Variants in GPR39 observed in about 807,000 individuals in gnomAD.
The protein encoded by GPR39 is G protein-coupled receptor 39.
In GPR39, 23 loss-of-function variants were observed where a neutral mutation model predicts 18.4. The ratio of observed to expected loss-of-function variants is 1.25; its 90% CI spans 0.90 to 1.77. GPR39 has a LOEUF of 1.77. GPR39 is among the 40% of genes most tolerant of loss of function. The pLI is 0.00. For synonymous variants in GPR39, 280 were observed against 257.9 expected (o/e 1.09, Z -0.82); for missense variants, 647 against 602.4 (o/e 1.07, Z -0.78).
At chr2:132,537,978 A>G (rs983932300) in intron 1 of GPR39, among the ~76,000 whole-genome samples, 1 of 152,022 alleles carries the variant, frequency 6.6e-6, no homozygotes, top group Non-Finnish European at 1.5e-5. Context: ...GCTTCTTTGC[A>G]TTGGGTTAGA....
chr2:132,425,832 G>A (rs1461839087), intron 1 of GPR39, among the ~76,000 whole-genome samples: 1 of 152,044 alleles, frequency 6.6e-6, no homozygotes, highest in East Asian at 1.9e-4. Flanking sequence ...TCTAGGAGCT[G>A]AGCACCAGCA....
intron 1 of GPR39, among the ~76,000 whole-genome samples, chr2:132,602,557 G>C (rs1681061241): frequency 6.6e-6 from 1 of 152,052 alleles, no homozygotes; most frequent in South Asian, 2.1e-4. Flanking sequence ...AAACTAAAAA[G>C]CTTCTGCACA....
chr2:132,620,431 C>T (rs58445711), intron 1 of GPR39, among the ~76,000 whole-genome samples: 15 of 152,282 alleles, frequency 9.9e-5, no homozygotes, highest in African/African-American at 3.6e-4. Flanking sequence ...AGTCACCCCT[C>T]CCATCTCAGT....
In GPR39 at chr2:132,635,640, G is replaced by T. The variant is rs538878018; in HGVS notation, c.857-9461G>T. 4.6e-5 allele frequency among the ~76,000 whole-genome samples: 7 copies of T among 152,236 alleles called. No individual in the cohort carries two copies. In the South Asian group the frequency reaches 1.0e-3, roughly 23 times the overall value. ...TGGAGGCTAAAGAAAAGAGATGGGG[G>T]AGGGGGCCTAGCAGGTCATGGGGCC... On this transcript the variant is annotated intron_variant, in intron 1 of 1. Coordinates refer to ENST00000329321, the MANE Select transcript of GPR39 (RefSeq NM_001508.3).
Position 132,513,667 on chromosome 2 carries a change from T to G in GPR39, c.856+95769T>G, listed in dbSNP as rs1679279989. ...GGAAACTAAGTCTTGTCAATTAACA[T>G]CTTTGTCTGTTCCAGCTTAAGAGTA... is the stretch of plus-strand genomic sequence containing the variant. On this transcript the variant is annotated intron_variant, in intron 1 of 1. Transcript: ENST00000329321. Among the ~76,000 whole-genome samples, 3 of 152,372 alleles carry G rather than the reference T, an allele frequency of 2.0e-5. No individual in the cohort carries two copies. The South Asian group carries it at 6.2e-4, about 32-fold the overall frequency.
intron 1 of GPR39, among the ~76,000 whole-genome samples, chr2:132,421,267 C>G (rs1680003976): frequency 6.6e-6 from 1 of 152,104 alleles, no homozygotes; most frequent in South Asian, 2.1e-4. Context: ...TTGTGTGTGT[C>G]TATTGCACAC....
chr2:132,491,013 A>G (rs1186418668), intron 1 of GPR39, among the ~76,000 whole-genome samples: 1 of 152,168 alleles, frequency 6.6e-6, no homozygotes, highest in African/African-American at 2.4e-5. Flanking sequence ...ACCACCCTGG[A>G]AGGAACTGCT....
chr2:132,640,777 A>G (rs1049317316), intron 1 of GPR39, among the ~76,000 whole-genome samples: 3 of 152,270 alleles, frequency 2.0e-5, no homozygotes, highest in African/African-American at 7.2e-5. Flanking sequence ...AGTAGAGCCA[A>G]TCGCAAACAG....
chr2:132,492,871 C>CACCATATATATACACCATATATAT (rs1282753504), intron 1 of GPR39, among the ~76,000 whole-genome samples: 6 of 140,240 alleles, frequency 4.3e-5, no homozygotes, highest in East Asian at 2.2e-4. Context: ...CATATATGTA[C>CACCATATATATACACCATATATAT]ACCATATATA....
chr2:132,460,691 G>A (rs1434998434), intron 1 of GPR39, among the ~76,000 whole-genome samples: 1 of 152,100 alleles, frequency 6.6e-6, no homozygotes, highest in Non-Finnish European at 1.5e-5. Context: ...TGGATTTGAA[G>A]ACTCTGCCAA....
At chr2:132,574,038 A>G (rs937297720) in intron 1 of GPR39, among the ~76,000 whole-genome samples, 1 of 152,248 alleles carries the variant, frequency 6.6e-6, no homozygotes, top group East Asian at 1.9e-4. Flanking sequence ...TATTTTTATC[A>G]TATCATGAAC....
chr2:132,567,851 C>A (rs1297271553), intron 1 of GPR39, among the ~76,000 whole-genome samples: 1 of 151,784 alleles, frequency 6.6e-6, no homozygotes, highest in African/African-American at 2.4e-5. Context: ...GTAAGTTTCA[C>A]GAGATCTGAT....
chr2:132,637,456 G>C (rs1351399862), intron 1 of GPR39, among the ~76,000 whole-genome samples: 1 of 152,228 alleles, frequency 6.6e-6, no homozygotes, highest in Non-Finnish European at 1.5e-5. Flanking sequence ...ACAAGGATGA[G>C]ACATCAAACC....
At chr2:132,531,771 G>A (rs1057094993) in intron 1 of GPR39, among the ~76,000 whole-genome samples, 1 of 152,132 alleles carries the variant, frequency 6.6e-6, no homozygotes, top group African/African-American at 2.4e-5. Context: ...ACAAAATGAA[G>A]GCAGAAATAA....
At position 132,500,673 on chromosome 2, in the gene GPR39, T is replaced by A. The variant is rs1470163509; in HGVS notation, c.856+82775T>A. On this transcript the variant is annotated intron_variant, in intron 1 of 1. Transcript: ENST00000329321. Reference sequence around the variant, plus strand: ...GGATTGGTACCAATTCTTCTTTGAATGTCTGATAGAATTCAGCTGTGATTC... The same window carrying A: ...GGATTGGTACCAATTCTTCTTTGAAAGTCTGATAGAATTCAGCTGTGATTC... Among the ~76,000 whole-genome samples, 3 of 152,206 alleles carry A rather than the reference T, an allele frequency of 2.0e-5. No individual in the cohort carries two copies. In the East Asian group the frequency reaches 5.8e-4, roughly 29 times the overall value.
At chr2:132,474,213 G>A (rs1392947457) in intron 1 of GPR39, among the ~76,000 whole-genome samples, 3 of 152,110 alleles carry the variant, frequency 2.0e-5, no homozygotes, top group African/African-American at 4.8e-5. Context: ...TTTTCTTTGG[G>A]GTGATAATTA....
intron 1 of GPR39, among the ~76,000 whole-genome samples, chr2:132,611,858 C>A (rs562505904): frequency 1.3e-5 from 2 of 152,234 alleles, no homozygotes; most frequent in Admixed American, 6.5e-5. Context: ...TAGTTCTCTT[C>A]CTTAAATGCA....
chr2:132,629,428 T>C (rs1394508535), intron 1 of GPR39, among the ~76,000 whole-genome samples: 1 of 152,232 alleles, frequency 6.6e-6, no homozygotes, highest in Non-Finnish European at 1.5e-5. Context: ...CATAATTCCT[T>C]GAACCTATGT....
chr2:132,529,719 C>T lies in GPR39; in HGVS notation c.856+111821C>T, dbSNP rs1446013804. On this transcript the variant is annotated intron_variant, in intron 1 of 1. Coordinates refer to ENST00000329321, the MANE Select transcript of GPR39 (RefSeq NM_001508.3). ...CCAATATCGGCTGTTCTGCAGCCAC[C>T]GCTGCTGATACCCAGGCAAATAGGG... 1.9e-4 allele frequency among the ~76,000 whole-genome samples: 29 copies of T among 152,314 alleles called. 2 individuals carry two copies. The highest frequency in any genetic ancestry group is 5.2e-4 in the Admixed American group (8 of 15,302).
Sources: gnomAD v4.1 joint callset for allele counts (sites outside exome capture counted in the v4.1 genomes callset) on GRCh38, gnomAD v4.1.1 for gene constraint, MANE v1.5 for transcripts, NCBI Gene and HGNC (gene_info 2026-07-23, HGNC 2026-07-21) for gene names.